The following COL25A1 variants were observed in gnomAD, a reference collection of about 807,000 sequenced individuals.
COL25A1 encodes the protein collagen alpha-1(XXV) chain.
COL25A1 carries 103 observed loss-of-function variants against 128.4 expected under a neutral mutation model. That is an observed-to-expected ratio of 0.80 (90% CI 0.68 to 0.94). The LOEUF is 0.94. Among genes scored for constraint, COL25A1 ranks in the 40% least tolerant of loss-of-function variants. COL25A1 has a pLI of 0.00. For missense variants in COL25A1, 745 were observed against 840.0 expected, an observed-to-expected ratio of 0.89 and a Z score of 1.40; for synonymous variants, 279 against 277.2, an observed-to-expected ratio of 1.01 and a Z score of -0.06.
At chr4:109,116,519 TCTC>T (rs1265346547) in intron 3 of COL25A1, among the ~76,000 whole-genome samples, 1 of 152,052 alleles carries the variant, frequency 6.6e-6, no homozygotes, top group East Asian at 1.9e-4. Flanking sequence ...ATTGTAGAAC[TCTC>T]CTCCTCTCCC....
chr4:109,164,092 A>G (rs1400759566), intron 3 of COL25A1, among the ~76,000 whole-genome samples: 1 of 152,176 alleles, frequency 6.6e-6, no homozygotes, highest in Non-Finnish European at 1.5e-5. Flanking sequence ...TGTATTCAAC[A>G]AACTCTGCTT....
In COL25A1 at chr4:108,852,218, A is replaced by G. The variant is rs1450602660; in HGVS notation, c.1389+18T>C. On this transcript the variant is annotated intron_variant, in intron 26 of 37. Coordinates refer to ENST00000399132, the MANE Select transcript of COL25A1 (RefSeq NM_198721.4). ...TGCACTGTATGTGATAAATGGAAAC[A>G]AGTAAATAAAGAATAACCTTTGGCC... The G allele has an allele frequency of 3.1e-6, 5 of 1,596,246 alleles. No individual in the cohort carries two copies. Among genetic ancestry groups the G allele is most frequent in the Admixed American group, 3.4e-5 (2 of 58,768 alleles).
chr4:109,224,414 G>A (rs1209100453), intron 3 of COL25A1, among the ~76,000 whole-genome samples: 1 of 151,898 alleles, frequency 6.6e-6, no homozygotes, highest in African/African-American at 2.4e-5. Context: ...TCTAAGTTCG[G>A]GCATATATGT....
At chr4:109,276,857 G>C (rs1722901419) in intron 3 of COL25A1, among the ~76,000 whole-genome samples, 1 of 152,134 alleles carries the variant, frequency 6.6e-6, no homozygotes, top group Non-Finnish European at 1.5e-5. Context: ...CGGGACCCAA[G>C]TTCTGCCCTG....
intron 3 of COL25A1, among the ~76,000 whole-genome samples, chr4:109,230,297 G>A (rs779075810): frequency 1.3e-5 from 2 of 152,136 alleles, no homozygotes; most frequent in Non-Finnish European, 2.9e-5. Context: ...GGTCAATAAA[G>A]TCATACCATC....
At chr4:109,117,388 C>T (rs1261075378) in intron 3 of COL25A1, among the ~76,000 whole-genome samples, 1 of 151,912 alleles carries the variant, frequency 6.6e-6, no homozygotes, top group Non-Finnish European at 1.5e-5. Context: ...AAAGGACCAT[C>T]AAAATAGATT....
chr4:109,048,789 T>C (rs1327230960), intron 4 of COL25A1, among the ~76,000 whole-genome samples: 1 of 152,166 alleles, frequency 6.6e-6, no homozygotes, highest in Non-Finnish European at 1.5e-5. Flanking sequence ...TTATTTTCTA[T>C]GAAACTTTGT....
intron 3 of COL25A1, among the ~76,000 whole-genome samples, chr4:109,181,684 C>A (rs995585802): frequency 2.0e-5 from 3 of 151,990 alleles, no homozygotes; most frequent in Non-Finnish European, 4.4e-5. Context: ...AAATGTATTA[C>A]CTCACATACT....
At chr4:109,188,233 G>A (rs777248862) in intron 3 of COL25A1, among the ~76,000 whole-genome samples, 3 of 152,090 alleles carry the variant, frequency 2.0e-5, no homozygotes, top group Non-Finnish European at 4.4e-5. Context: ...CCCTCTCTTG[G>A]ATGCTCCTCA....
In COL25A1 at chr4:109,087,351, G is replaced by A. The variant is rs141042618; in HGVS notation, c.368-37172C>T. Reference sequence around the variant, plus strand: ...ACTGAACAAAGCAATAAAGGGGTCTGCACCTAAAACACAGAAATTTAACTG... The same window carrying A: ...ACTGAACAAAGCAATAAAGGGGTCTACACCTAAAACACAGAAATTTAACTG... On this transcript the variant is annotated intron_variant, in intron 3 of 37. Coordinates refer to ENST00000399132, the MANE Select transcript of COL25A1 (RefSeq NM_198721.4). Among the ~76,000 whole-genome samples, 564 of 152,196 alleles carry A rather than the reference G, an allele frequency of 3.7e-3. 3 individuals are homozygous for A. Among genetic ancestry groups the A allele is most frequent in the African/African-American group, 0.012 (503 of 41,520 alleles).
intron 3 of COL25A1, among the ~76,000 whole-genome samples, chr4:109,183,108 A>C (rs1219024373): frequency 6.6e-6 from 1 of 152,126 alleles, no homozygotes; most frequent in Non-Finnish European, 1.5e-5. Flanking sequence ...TATTAGCCAT[A>C]TATGACATTA....
intron 3 of COL25A1, among the ~76,000 whole-genome samples, chr4:109,137,984 A>ATATATGTGTGTG (rs547874075): frequency 4.2e-5 from 6 of 142,490 alleles, no homozygotes; most frequent in East Asian, 2.1e-4. Context: ...TTATATATAT[A>ATATATGTGTGTG]TGTGTGTGTG....
At position 108,933,466 on chromosome 4, in the gene COL25A1, AAAC is replaced by A. The variant is rs540173350; in HGVS notation, c.708+4339_708+4341del. Among the ~76,000 whole-genome samples, 325 of 152,334 alleles carry A rather than the reference AAAC, an allele frequency of 2.1e-3. 1 individual carries two copies. Among genetic ancestry groups the A allele is most frequent in the Middle Eastern group, 0.014 (4 of 294 alleles). On this transcript the variant is annotated intron_variant, in intron 11 of 37. Coordinates refer to ENST00000399132, the MANE Select transcript of COL25A1 (RefSeq NM_198721.4). Reference sequence around the variant, plus strand: ...TATGATATTTAGGAGAAGAAAGCTAAAACAACAACAACTACAAATAGGACAAAA... The same window carrying A: ...TATGATATTTAGGAGAAGAAAGCTAAAACAACAACTACAAATAGGACAAAA...
intron 31 of COL25A1, among the ~76,000 whole-genome samples, chr4:108,837,060 C>CAG (rs1733897596): frequency 1.3e-5 from 2 of 152,254 alleles, no homozygotes; most frequent in African/African-American, 4.8e-5. Flanking sequence ...GCCTGGGTGA[C>CAG]AGAGAGAGAC....
chr4:108,892,222 T>C (rs1021958104), intron 16 of COL25A1, among the ~76,000 whole-genome samples: 4 of 152,132 alleles, frequency 2.6e-5, no homozygotes, highest in African/African-American at 7.2e-5. Context: ...GCTTCATAAG[T>C]CAGTTGGCTT....
intron 3 of COL25A1, among the ~76,000 whole-genome samples, chr4:109,175,852 T>C (rs1156277239): frequency 6.6e-6 from 1 of 152,234 alleles, no homozygotes; most frequent in Non-Finnish European, 1.5e-5. Context: ...GCCCATGGTA[T>C]TGGTATTTTC....
intron 24 of COL25A1, 65 bp from the exon 25 acceptor site, chr4:108,852,990 AT>A: frequency 7.1e-7 from 1 of 1,403,752 alleles, no homozygotes; most frequent in East Asian, 2.3e-5. Context: ...ACAGTAATAC[AT>A]TTGTGAAATA....
intron 3 of COL25A1, among the ~76,000 whole-genome samples, chr4:109,256,311 G>A (rs1398961334): frequency 6.6e-6 from 1 of 151,892 alleles, no homozygotes; most frequent in Non-Finnish European, 1.5e-5. Context: ...TTCACCTTGG[G>A]TGAACACGTA....
intron 3 of COL25A1, among the ~76,000 whole-genome samples, chr4:109,155,796 T>A (rs1314014296): frequency 6.6e-6 from 1 of 152,190 alleles, no homozygotes; most frequent in African/African-American, 2.4e-5. Flanking sequence ...CCAGGCACCA[T>A]TATGTAAGTA....
Sources: allele counts gnomAD v4.1 joint callset (sites outside exome capture counted in the v4.1 genomes callset), GRCh38; gene constraint gnomAD v4.1.1; transcripts MANE v1.5; gene names NCBI Gene and HGNC (gene_info 2026-07-23, HGNC 2026-07-21).